Variants in MYO5A observed in about 807,000 individuals in gnomAD.
MYO5A encodes the protein unconventional myosin-Va.
Under a neutral mutation model 249.7 loss-of-function variants are expected in MYO5A, and 98 were observed. That is an observed-to-expected ratio of 0.39 (90% CI 0.33 to 0.46). The LOEUF (loss-of-function observed/expected upper bound fraction) is 0.46, where lower values mean the gene tolerates loss of function less well. MYO5A is among the 20% of genes least tolerant of loss of function. MYO5A has a pLI of 0.98. For synonymous variants in MYO5A, 778 were observed against 810.6 expected (o/e 0.96, Z 0.68); for missense variants, 1,696 against 2,308.8 (o/e 0.73, Z 5.44).
chr15:52,366,706 A>C (rs184788089), intron 23 of MYO5A, among the ~76,000 whole-genome samples: 20 of 151,992 alleles, frequency 1.3e-4, no homozygotes, highest in African/African-American at 4.3e-4. Context: ...ATTCTTACTA[A>C]ATCATTAGGA....
At chr15:52,517,338 A>G (rs942589377) in intron 1 of MYO5A, among the ~76,000 whole-genome samples, 3 of 152,218 alleles carry the variant, frequency 2.0e-5, no homozygotes, top group African/African-American at 7.2e-5. Context: ...AATACCCAGC[A>G]GTAAATACAT....
At chr15:52,407,771 TC>T (rs2043071801) in intron 7 of MYO5A, among the ~76,000 whole-genome samples, 1 of 151,872 alleles carries the variant, frequency 6.6e-6, no homozygotes, top group South Asian at 2.1e-4. Flanking sequence ...AAAGCAAATA[TC>T]AAACACATAC....
Position 52,346,372 on chromosome 15 carries a change from T to C in MYO5A, c.3948A>G (p.Lys1316=). The change falls in exon 30 of 42, where the codon AAA becomes AAG. Residue 1316 remains lysine, a synonymous_variant. Transcript: ENST00000399233. ...AAGGATCAACTTACCTATTTGTTTC[T>C]TTCAAACCAATGTATGCTTGTGCTA... ...GEIAQAYIGL[K]ETNRSSALDY... 6.3e-7 allele frequency: 1 copy of C among 1,592,800 alleles called. No homozygotes were observed.
At chr15:52,342,789 G>A (rs1238539520) in intron 31 of MYO5A, among the ~76,000 whole-genome samples, 1 of 151,792 alleles carries the variant, frequency 6.6e-6, no homozygotes, top group Non-Finnish European at 1.5e-5. Context: ...GTTGGTGCAC[G>A]CCTGTAATCC....
chr15:52,313,614 G>C lies in MYO5A; in HGVS notation c.*82C>G. 2 of 1,512,314 alleles carry C rather than the reference G, an allele frequency of 1.3e-6. No homozygotes were observed. Among genetic ancestry groups the C allele is most frequent in the Non-Finnish European group, 1.8e-6 (2 of 1,090,536 alleles). The allele number at this position is 1,512,314 out of a possible 1,614,324, so 93.7% of individuals were successfully genotyped here. ...TAATCAGTACTTTCTCTTTAAAAAT[G>C]TATTTTCAGTAACTCACTGGAAATA... On this transcript the variant is annotated 3_prime_UTR_variant, in exon 42 of 42. Transcript: ENST00000399233.
chr15:52,375,603 ACATT>A, intron 19 of MYO5A, 143 bp from the exon 20 acceptor site: 1 of 908,492 alleles, frequency 1.1e-6, no homozygotes, highest in Non-Finnish European at 1.7e-6. Context: ...TGCTAAGTCA[ACATT>A]TATATTTACT....
intron 1 of MYO5A, among the ~76,000 whole-genome samples, chr15:52,479,090 G>A (rs2076661236): frequency 6.6e-6 from 1 of 151,818 alleles, no homozygotes; most frequent in Non-Finnish European, 1.5e-5. Flanking sequence ...CTGCCCCCTG[G>A]GTTCAAGCAA....
chr15:52,337,367 T>A (rs766051397), intron 33 of MYO5A, among the ~76,000 whole-genome samples: 2 of 152,212 alleles, frequency 1.3e-5, no homozygotes, highest in Non-Finnish European at 2.9e-5. Flanking sequence ...GTAGGCTCAG[T>A]AACAGCTTAG....
intron 1 of MYO5A, among the ~76,000 whole-genome samples, chr15:52,459,850 T>C (rs1168331117): frequency 8.0e-6 from 1 of 124,984 alleles, no homozygotes; most frequent in Non-Finnish European, 1.7e-5. Flanking sequence ...ATCTCCCAGA[T>C]GGGGTGGCGG....
chr15:52,369,272 A>G (rs1046604134), intron 22 of MYO5A, among the ~76,000 whole-genome samples: 1 of 152,168 alleles, frequency 6.6e-6, no homozygotes, highest in Non-Finnish European at 1.5e-5. Flanking sequence ...CAGACAAACC[A>G]TATCAGGATT....
intron 1 of MYO5A, among the ~76,000 whole-genome samples, chr15:52,446,541 TAC>T (rs1567134348): frequency 6.6e-6 from 1 of 152,180 alleles, no homozygotes; most frequent in African/African-American, 2.4e-5. Flanking sequence ...GGAGGCCCTA[TAC>T]AGAGTTGCAA....
intron 1 of MYO5A, among the ~76,000 whole-genome samples, chr15:52,459,950 G>A (rs945142200): frequency 5.7e-4 from 86 of 151,136 alleles, no homozygotes; most frequent in Admixed American, 4.9e-3. Context: ...GGTCAGAGAC[G>A]CTCCTCACCT....
intron 35 of MYO5A, 117 bp downstream of exon 35, chr15:52,330,236 G>A (rs1340185714): frequency 3.8e-6 from 5 of 1,330,780 alleles, no homozygotes; most frequent in Non-Finnish European, 5.4e-6. Context: ...AGAATACATG[G>A]TATCTGATGA....
intron 1 of MYO5A, among the ~76,000 whole-genome samples, chr15:52,522,660 T>C (rs995470127): frequency 2.0e-5 from 3 of 152,120 alleles, no homozygotes; most frequent in East Asian, 1.9e-4. Flanking sequence ...GCAAAATTCA[T>C]CATAAAATGA....
rs553903086 is a variant in MYO5A at position 52,307,689 on chromosome 15, G to A, written c.*6007C>T. The A allele has an allele frequency of 1.1e-4, 16 of 152,062 alleles. No homozygotes were observed. Among genetic ancestry groups the A allele is most frequent in the African/African-American group, 3.6e-4 (15 of 41,486 alleles). The allele number at this position is 152,062 out of a possible 1,614,324, so 9.4% of individuals were successfully genotyped here. A position where few individuals can be genotyped will look rare whatever the true frequency, so the allele number is the denominator to read the frequency against. Reference sequence around the variant, plus strand: ...AGAATTCCTTTTCCAGACCCAACAAGGAAAAATATTTGAAAACTGCAATGT... The same window carrying A: ...AGAATTCCTTTTCCAGACCCAACAAAGAAAAATATTTGAAAACTGCAATGT... On this transcript the variant is annotated 3_prime_UTR_variant, in exon 42 of 42. Coordinates refer to ENST00000399233, the MANE Select transcript of MYO5A (RefSeq NM_001382347.1).
At chr15:52,431,781 T>A (rs911029796) in intron 2 of MYO5A, among the ~76,000 whole-genome samples, 5 of 150,508 alleles carry the variant, frequency 3.3e-5, no homozygotes, top group Admixed American at 1.3e-4. Flanking sequence ...AGCTCAGGAG[T>A]TCGAGACTAG....
intron 25 of MYO5A, among the ~76,000 whole-genome samples, chr15:52,357,555 G>A (rs1049923714): frequency 6.6e-6 from 1 of 151,860 alleles, no homozygotes; most frequent in African/African-American, 2.4e-5. Flanking sequence ...AAAATTCTGT[G>A]GATAAGAATA....
chr15:52,318,959 A>C (rs1596273678), intron 39 of MYO5A, 101 bp downstream of exon 39: 2 of 1,431,984 alleles, frequency 1.4e-6, no homozygotes, highest in South Asian at 1.2e-5. Flanking sequence ...GGCACCAGAC[A>C]TGAGATGCAA....
At chr15:52,474,365 T>C (rs1017397234) in intron 1 of MYO5A, among the ~76,000 whole-genome samples, 14 of 152,342 alleles carry the variant, frequency 9.2e-5, no homozygotes, top group East Asian at 3.9e-4. Context: ...CTTTTCCTAA[T>C]TGAATACCCT....
Sources: gnomAD v4.1 joint callset for allele counts (sites outside exome capture counted in the v4.1 genomes callset) on GRCh38, gnomAD v4.1.1 for gene constraint, MANE v1.5 for transcripts, NCBI Gene and HGNC (gene_info 2026-07-23, HGNC 2026-07-21) for gene names.